Variants in NCAM2 observed in about 807,000 individuals in gnomAD.
The protein encoded by NCAM2 is N-CAM-2.
NCAM2 carries 30 observed loss-of-function variants against 98.1 expected under a neutral mutation model. That is an observed-to-expected ratio of 0.31 (90% confidence interval 0.23 to 0.41). The LOEUF is 0.41. Ranked by LOEUF, NCAM2 falls within the 10% of genes least tolerant of loss-of-function variation. The pLI is 1.00. For missense variants in NCAM2, 867 were observed against 1,005.8 expected, an observed-to-expected ratio of 0.86 and a Z score of 1.87; for synonymous variants, 368 against 342.4, an observed-to-expected ratio of 1.07 and a Z score of -0.83.
chr21:21,051,914 T>G (rs1157958531), intron 1 of NCAM2, among the ~76,000 whole-genome samples: 1 of 152,192 alleles, frequency 6.6e-6, no homozygotes, highest in Non-Finnish European at 1.5e-5. Flanking sequence ...TTTTCCACAG[T>G]TATTACTGTT....
At chr21:21,078,277 T>C (rs1235995827) in intron 1 of NCAM2, among the ~76,000 whole-genome samples, 2 of 152,224 alleles carry the variant, frequency 1.3e-5, no homozygotes, top group African/African-American at 4.8e-5. Flanking sequence ...GTAAAAATTA[T>C]AATTGTTAAA....
chr21:21,234,665 C>G (rs1242240053), intron 1 of NCAM2, among the ~76,000 whole-genome samples: 2 of 151,846 alleles, frequency 1.3e-5, no homozygotes, highest in Non-Finnish European at 2.9e-5. Context: ...ATCATACATG[C>G]GATTGTTTTC....
chr21:21,016,618 G>A (rs939507665), intron 1 of NCAM2, among the ~76,000 whole-genome samples: 3 of 152,080 alleles, frequency 2.0e-5, no homozygotes, highest in African/African-American at 7.2e-5. Context: ...CTTGTTAAGT[G>A]TAAGAATGAT....
At chr21:21,214,730 T>TA (rs1402618159) in intron 1 of NCAM2, among the ~76,000 whole-genome samples, 1 of 79,790 alleles carries the variant, frequency 1.3e-5, no homozygotes, top group East Asian at 2.8e-4. Flanking sequence ...TCCATATATA[T>TA]ATATATATAT....
chr21:21,530,328 T>C (rs1263282072), intron 16 of NCAM2, among the ~76,000 whole-genome samples: 2 of 24,068 alleles, frequency 8.3e-5, no homozygotes, highest in Admixed American at 6.3e-4. Context: ...TTAAATTAAA[T>C]TAAATTATAC....
intron 11 of NCAM2, among the ~76,000 whole-genome samples, chr21:21,427,225 C>A (rs232397): frequency 0.095 from 14,142 of 148,768 alleles, 792 homozygotes; most frequent in African/African-American, 0.16. Flanking sequence ...GGATTGAAAA[C>A]AAAAAAAAGA....
At chr21:20,998,895 TC>T (rs1248497087) in intron 1 of NCAM2, among the ~76,000 whole-genome samples, 2 of 152,114 alleles carry the variant, frequency 1.3e-5, no homozygotes, top group African/African-American at 2.4e-5. Flanking sequence ...TCTTTTTTTT[TC>T]CTCTGGGATT....
At chr21:21,471,656 G>A (rs1043405791) in intron 14 of NCAM2, among the ~76,000 whole-genome samples, 2 of 151,954 alleles carry the variant, frequency 1.3e-5, no homozygotes, top group African/African-American at 4.8e-5. Flanking sequence ...ATGTAATTTA[G>A]ACAATATATT....
chr21:21,426,751 C>G (rs868740103), intron 11 of NCAM2, among the ~76,000 whole-genome samples: 1 of 152,128 alleles, frequency 6.6e-6, no homozygotes, highest in Non-Finnish European at 1.5e-5. Flanking sequence ...GTGGGACTGA[C>G]ATTCACACCC....
At chr21:21,019,402 A>G (rs2064382452) in intron 1 of NCAM2, among the ~76,000 whole-genome samples, 1 of 152,188 alleles carries the variant, frequency 6.6e-6, no homozygotes, top group African/African-American at 2.4e-5. Flanking sequence ...TGATGATTAA[A>G]CAGCACGGAG....
intron 12 of NCAM2, among the ~76,000 whole-genome samples, chr21:21,438,425 C>T (rs1353587589): frequency 1.3e-5 from 2 of 152,118 alleles, no homozygotes; most frequent in East Asian, 3.9e-4. Context: ...GGAAGCCAGG[C>T]CTATTATTAT....
intron 1 of NCAM2, among the ~76,000 whole-genome samples, chr21:21,274,393 C>T (rs1042782652): frequency 6.6e-6 from 1 of 151,944 alleles, no homozygotes; most frequent in Non-Finnish European, 1.5e-5. Flanking sequence ...TCATGAATTC[C>T]TAAAATGTTT....
At chr21:21,515,605 A>T (rs1988667168) in intron 16 of NCAM2, among the ~76,000 whole-genome samples, 2 of 152,152 alleles carry the variant, frequency 1.3e-5, no homozygotes, top group African/African-American at 4.8e-5. Context: ...ACTTTTCCCA[A>T]TTCTCATTTC....
intron 1 of NCAM2, among the ~76,000 whole-genome samples, chr21:21,272,964 G>A (rs1168085606): frequency 1.0e-4 from 2 of 19,654 alleles, no homozygotes; most frequent in African/African-American, 2.1e-4. Context: ...ACACACACAC[G>A]GGACATGCAT....
chr21:21,364,932 A>G (rs541782814), intron 8 of NCAM2, among the ~76,000 whole-genome samples: 8 of 152,048 alleles, frequency 5.3e-5, no homozygotes, highest in Non-Finnish European at 1.0e-4. Flanking sequence ...AAAATGTACA[A>G]TGTGATGGGC....
intron 1 of NCAM2, among the ~76,000 whole-genome samples, chr21:21,240,660 T>G (rs778664629): frequency 1.3e-4 from 20 of 152,200 alleles, no homozygotes; most frequent in Non-Finnish European, 2.4e-4. Context: ...TTTATTAATT[T>G]TATTTTTATA....
At position 21,305,414 on chromosome 21, in the gene NCAM2, CTTA is replaced by C. The variant is rs768841656; in HGVS notation, c.619+13178_619+13180del. Among the ~76,000 whole-genome samples, 42 of 152,162 alleles carry C rather than the reference CTTA, an allele frequency of 2.8e-4. No individual in the cohort carries two copies. In the East Asian group the frequency reaches 4.3e-3, roughly 15 times the overall value. The stretch of plus-strand genomic sequence containing the variant: ...CAATCTGTATGTTTTTCCACTTTCG[CTTA>C]TTATACTGGGTAGACAGACTCTCCT... On this transcript the variant is annotated intron_variant, in intron 5 of 17. Transcript: ENST00000400546.
intron 12 of NCAM2, among the ~76,000 whole-genome samples, chr21:21,443,574 A>G (rs1396804127): frequency 1.3e-5 from 2 of 152,154 alleles, no homozygotes; most frequent in African/African-American, 4.8e-5. Context: ...ACATGAATCA[A>G]TGACAGGTAT....
At position 21,541,955 on chromosome 21, in the gene NCAM2, GTTTA is replaced by G. The variant is rs1235076430; in HGVS notation, c.*4003_*4006del. 46 of 151,840 alleles carry G rather than the reference GTTTA, an allele frequency of 3.0e-4. No homozygotes were observed. Among genetic ancestry groups the G allele is most frequent in the Admixed American group, 2.8e-3 (42 of 15,206 alleles). The allele number at this position is 151,840 out of a possible 1,614,324, so 9.4% of individuals were successfully genotyped here. ...CTTTAGAGAGAAAATATTTGCATCT[GTTTA>G]TTTACCCTTTGAAGCATTAATACTT... On this transcript the variant is annotated 3_prime_UTR_variant, in exon 18 of 18. Coordinates refer to ENST00000400546, the MANE Select transcript of NCAM2 (RefSeq NM_004540.5).
Sources: gnomAD v4.1 joint callset for allele counts (sites outside exome capture counted in the v4.1 genomes callset) on GRCh38, gnomAD v4.1.1 for gene constraint, MANE v1.5 for transcripts, NCBI Gene and HGNC (gene_info 2026-07-23, HGNC 2026-07-21) for gene names.